PATJ: variants seen among roughly 807,000 people sequenced by gnomAD.
PATJ encodes PATJ crumbs cell polarity complex component, also known as inaD-like protein.
In PATJ, 190 loss-of-function variants were observed where a neutral mutation model predicts 224.9. The observed-to-expected ratio is 0.84, with a 90% CI of 0.75 to 0.95. The LOEUF is 0.95. PATJ is among the 40% of genes least tolerant of loss of function. The pLI is 0.00. For synonymous variants in PATJ, 769 were observed against 820.3 expected, an observed-to-expected ratio of 0.94 and a Z score of 1.07; for missense variants, 2,121 against 2,270.3, an observed-to-expected ratio of 0.93 and a Z score of 1.34.
intron 3 of PATJ, among the ~76,000 whole-genome samples, chr1:61,763,984 G>A (rs116384658): frequency 6.7e-6 from 1 of 149,414 alleles, no homozygotes; most frequent in African/African-American, 2.5e-5. Flanking sequence ...GTCTTTTTTT[G>A]TGTGTGTGTG....
In PATJ at chr1:62,160,007, G is replaced by A. The variant is rs187408032; in HGVS notation, c.5503-901G>A. Among the ~76,000 whole-genome samples, 570 of 152,118 alleles carry A rather than the reference G, an allele frequency of 3.7e-3. 6 individuals carry two copies. Among genetic ancestry groups the A allele is most frequent in the Non-Finnish European group, 5.1e-3 (348 of 68,006 alleles). ...AGCTCGGCTTCTGATTGAGTCGGTC[G>A]AGGGCCAAGTGCCTGTGGGCTTTGG... On this transcript the variant is annotated intron_variant, in intron 43 of 43. Transcript: ENST00000642238.
chr1:61,982,875 C>T (rs541547088), intron 27 of PATJ, among the ~76,000 whole-genome samples: 7 of 151,906 alleles, frequency 4.6e-5, no homozygotes, highest in African/African-American at 1.7e-4. Context: ...TAGGTTGGTG[C>T]AAAAGTCATT....
chr1:61,805,908 A>G (rs1237843401), intron 13 of PATJ, among the ~76,000 whole-genome samples: 6 of 152,240 alleles, frequency 3.9e-5, no homozygotes, highest in African/African-American at 1.4e-4. Context: ...TGTACACTGA[A>G]AGGACTGTGG....
At chr1:62,093,946 G>A (rs1325083180) in intron 33 of PATJ, among the ~76,000 whole-genome samples, 1 of 152,096 alleles carries the variant, frequency 6.6e-6, no homozygotes, top group African/African-American at 2.4e-5. Context: ...GCTCAGTCTT[G>A]AAATGCAAAA....
chr1:61,933,272 A>G (rs1361763707), intron 27 of PATJ, among the ~76,000 whole-genome samples: 1 of 151,960 alleles, frequency 6.6e-6, no homozygotes, highest in Non-Finnish European at 1.5e-5. Context: ...TGGAATTAAA[A>G]TCAGACGCCT....
intron 26 of PATJ, among the ~76,000 whole-genome samples, chr1:61,915,902 G>C (rs954717820): frequency 3.3e-5 from 5 of 151,804 alleles, no homozygotes; most frequent in African/African-American, 1.2e-4. Flanking sequence ...TCACCATGTT[G>C]GCCAGGATGG....
In PATJ at chr1:62,106,061, A is replaced by ATATATATATAT. The variant is rs1416758766; in HGVS notation, c.4378-2376_4378-2375insTATATATATAT. Among the ~76,000 whole-genome samples the ATATATATATAT allele has an allele frequency of 6.1e-5, 2 of 32,534 alleles. 1 individual carries two copies. Among genetic ancestry groups the ATATATATATAT allele is most frequent in the African/African-American group, 2.3e-4 (2 of 8,876 alleles). 21.3% of individuals were successfully genotyped at this position (32,534 alleles called of 152,430 possible). Reference sequence around the variant, plus strand: ...GACTCCTCTTAAAAAAAAAAAAAAAAAAATATATATATATATATACACACA... The same window carrying ATATATATATAT: ...GACTCCTCTTAAAAAAAAAAAAAAAATATATATATATAAATATATATATATATATACACACA... On this transcript the variant is annotated intron_variant, in intron 33 of 43. Transcript: ENST00000642238.
intron 17 of PATJ, among the ~76,000 whole-genome samples, chr1:61,848,230 C>T (rs1041116714): frequency 1.3e-5 from 2 of 152,216 alleles, no homozygotes; most frequent in Non-Finnish European, 2.9e-5. Flanking sequence ...AAACTCTACA[C>T]ATCCAGGTGG....
chr1:62,017,827 T>C (rs1197205153), intron 28 of PATJ, 29 bp from the exon 29 acceptor site: 5 of 1,153,914 alleles, frequency 4.3e-6, no homozygotes, highest in Non-Finnish European at 6.6e-6. Flanking sequence ...ACATGTATAA[T>C]TTAGTACATT....
intron 39 of PATJ, among the ~76,000 whole-genome samples, chr1:62,125,256 A>C (rs1334572236): frequency 1.5e-4 from 17 of 111,318 alleles, no homozygotes; most frequent in Non-Finnish European, 2.5e-4. Flanking sequence ...AAAAAAAACA[A>C]AAAAAAACAA....
intron 23 of PATJ, 79 bp from the exon 24 acceptor site, chr1:61,901,203 A>G (rs1671105632): frequency 2.6e-6 from 2 of 777,940 alleles, no homozygotes; most frequent in South Asian, 3.3e-5. Context: ...AGTCACAAGG[A>G]TATGATGCAA....
intron 8 of PATJ, among the ~76,000 whole-genome samples, chr1:61,788,656 T>G (rs1649110594): frequency 6.6e-6 from 1 of 151,828 alleles, no homozygotes; most frequent in African/African-American, 2.4e-5. Flanking sequence ...AGTTTTTTGT[T>G]TGTTTGTTTG....
At chr1:61,743,702 G>C (rs773601041) in intron 1 of PATJ, among the ~76,000 whole-genome samples, 2 of 152,168 alleles carry the variant, frequency 1.3e-5, no homozygotes, top group Non-Finnish European at 2.9e-5. Flanking sequence ...GAAAATGTTA[G>C]GTGAGATTGA....
At position 62,051,021 on chromosome 1, in the gene PATJ, G is replaced by T; in HGVS notation, c.4088G>T (p.Gly1363Val). ...GAGGAAGATGGCAGCGTCGAAGTTG[G>T]TATTAAACAATTGCCTGAAAGTGAA... The part of the protein sequence containing the change: ...SSEEDGSVEV[G>V]IKQLPESESF... The change falls in exon 31 of 44, where the codon GGT becomes GTT. Residue 1363 changes from glycine to valine, a missense_variant. Transcript: ENST00000642238. The T allele has an allele frequency of 1.2e-6, 2 of 1,613,912 alleles. No individual in the cohort carries two copies. Among genetic ancestry groups the T allele is most frequent in the East Asian group, 2.2e-5 (1 of 44,866 alleles).
chr1:62,016,594 G>A lies in PATJ; in HGVS notation c.3868-1262G>A, dbSNP rs1326583661. ...GTGAAATAAAATAAGAGAGTTTCCA[G>A]CTATCATCATAGTTTATCAGTGGGA... On this transcript the variant is annotated intron_variant, in intron 28 of 43. Coordinates refer to ENST00000642238, the MANE Select transcript of PATJ (RefSeq NM_001350145.3). 3.3e-5 allele frequency among the ~76,000 whole-genome samples: 5 copies of A among 152,114 alleles called. No individual in the cohort carries two copies. In the East Asian group the frequency reaches 9.6e-4, roughly 29 times the overall value.
intron 33 of PATJ, among the ~76,000 whole-genome samples, chr1:62,091,199 C>T (rs1020496447): frequency 2.0e-5 from 3 of 152,092 alleles, no homozygotes; most frequent in African/African-American, 4.8e-5. Flanking sequence ...TCTTTCTATG[C>T]ATTTTCCTTC....
intron 9 of PATJ, among the ~76,000 whole-genome samples, chr1:61,791,810 A>G (rs1032030277): frequency 2.0e-5 from 3 of 152,184 alleles, no homozygotes; most frequent in African/African-American, 4.8e-5. Context: ...AAATGTTCCC[A>G]AAGTATGACT....
chr1:62,155,409 C>A (rs1011686237), intron 43 of PATJ, among the ~76,000 whole-genome samples: 1 of 152,156 alleles, frequency 6.6e-6, no homozygotes, highest in African/African-American at 2.4e-5. Flanking sequence ...GGGAGCCAGA[C>A]ACCCTGACGG....
intron 7 of PATJ, among the ~76,000 whole-genome samples, chr1:61,775,949 G>A (rs1226391738): frequency 1.3e-5 from 2 of 152,106 alleles, no homozygotes; most frequent in Admixed American, 6.6e-5. Context: ...ATATAGAATA[G>A]GCATGATAAA....
Sources: gnomAD v4.1 joint callset for allele counts (sites outside exome capture counted in the v4.1 genomes callset) on GRCh38, gnomAD v4.1.1 for gene constraint, MANE v1.5 for transcripts, NCBI Gene and HGNC (gene_info 2026-07-23, HGNC 2026-07-21) for gene names.